Variants in FRMD5 observed in about 807,000 individuals in gnomAD.
FRMD5 encodes FERM domain containing 5, also known as FERM domain-containing protein 5.
Under a neutral mutation model 69.0 loss-of-function variants are expected in FRMD5, and 20 were observed. That is an observed-to-expected ratio of 0.29 (90% CI 0.20 to 0.42). The LOEUF (loss-of-function observed/expected upper bound fraction) is 0.42. Ranked by LOEUF, FRMD5 falls within the 10% of genes least tolerant of loss-of-function variation. The probability of loss-of-function intolerance (pLI) is 1.00; values close to 1 mark genes in which losing one functional copy is unlikely to be tolerated. For synonymous variants in FRMD5, 271 were observed against 260.1 expected (o/e 1.04, Z -0.40); for missense variants, 595 against 708.6 (o/e 0.84, Z 1.82).
chr15:44,185,734 A>C (rs1209469921), intron 1 of FRMD5, among the ~76,000 whole-genome samples: 2 of 151,986 alleles, frequency 1.3e-5, no homozygotes, highest in Non-Finnish European at 2.9e-5. Flanking sequence ...CAGAGGTTGC[A>C]ATGAGCCGAC....
intron 1 of FRMD5, among the ~76,000 whole-genome samples, chr15:43,944,390 C>T (rs1448989736): frequency 6.6e-6 from 1 of 152,186 alleles, no homozygotes; most frequent in African/African-American, 2.4e-5. Context: ...AGGGCAGAGC[C>T]CTTACAAATC....
intron 1 of FRMD5, among the ~76,000 whole-genome samples, chr15:43,934,577 C>G (rs76859529): frequency 0.044 from 6,695 of 152,206 alleles, 442 homozygotes; most frequent in African/African-American, 0.14. Flanking sequence ...AAACAGAATC[C>G]ATTCAATTTT....
chr15:43,891,869 G>T, intron 8 of FRMD5, 112 bp downstream of exon 8: 1 of 823,682 alleles, frequency 1.2e-6, no homozygotes, highest in Non-Finnish European at 2.1e-6. Context: ...GCAAGGCTTT[G>T]GAGAGGGCTC....
Position 44,195,021 on chromosome 15 carries a change from T to A in FRMD5, c.34A>T (p.Ser12Cys), listed in dbSNP as rs1313541515. The change falls in exon 1 of 14, where the codon AGC (serine) becomes TGC (cysteine). Residue 12 changes from serine (S) to cysteine (C), a missense_variant. By Grantham distance (112) the Ser-to-Cys change is moderately radical. This residue lies in a region of FRMD5 where 44 missense variants were observed against 33.6 expected (regional missense o/e 1.31). Transcript: ENST00000417257. ...LSRLMSGSSR[S>C]LEREYSCTVR... ...GTGCAGCTGTACTCGCGCTCCAGGC[T>A]CCTGCTGCTGCCGCTCATCAACCTG... 1.3e-6 allele frequency: 2 copies of A among 1,556,822 alleles called. No individual in the cohort carries two copies. Among genetic ancestry groups the A allele is most frequent in the Non-Finnish European group, 8.6e-7 (1 of 1,156,320 alleles).
chr15:43,961,086 AAT>A (rs1183423524), intron 1 of FRMD5, among the ~76,000 whole-genome samples: 1 of 152,214 alleles, frequency 6.6e-6, no homozygotes, highest in Non-Finnish European at 1.5e-5. Context: ...GACACAAAAA[AAT>A]CCTTCAAAAA....
At chr15:43,874,726 C>A (rs536447738) in intron 13 of FRMD5, among the ~76,000 whole-genome samples, 1 of 151,780 alleles carries the variant, frequency 6.6e-6, no homozygotes, top group Non-Finnish European at 1.5e-5. Context: ...GTGGTGAAAC[C>A]CCATCTCAAC....
chr15:44,084,899 T>A (rs1202529842), intron 1 of FRMD5, among the ~76,000 whole-genome samples: 2 of 152,118 alleles, frequency 1.3e-5, no homozygotes, highest in African/African-American at 4.8e-5. Flanking sequence ...CAATTATAAT[T>A]CTGCCAAAAG....
intron 4 of FRMD5, among the ~76,000 whole-genome samples, chr15:43,918,089 A>G (rs1022042342): frequency 2.6e-5 from 4 of 152,110 alleles, no homozygotes; most frequent in African/African-American, 9.7e-5. Context: ...TCTTAGAGAA[A>G]TTTTTGCTCC....
At chr15:44,018,195 G>A (rs1218124207) in intron 1 of FRMD5, among the ~76,000 whole-genome samples, 1 of 152,150 alleles carries the variant, frequency 6.6e-6, no homozygotes, top group African/African-American at 2.4e-5. Context: ...GGATTAGACT[G>A]TGACTTAATG....
Position 44,130,082 on chromosome 15 carries a change from C to T in FRMD5, c.102+64871G>A, listed in dbSNP as rs901111336. On this transcript the variant is annotated intron_variant, in intron 1 of 13. Coordinates refer to ENST00000417257, the MANE Select transcript of FRMD5 (RefSeq NM_032892.5). ...TGGTTTGCACCTTGCTTGGTGATTC[C>T]TGTGGTCAATGGCGCTCCCTCCAGG... Among the ~76,000 whole-genome samples the T allele has an allele frequency of 1.2e-4, 18 of 152,310 alleles. No individual in the cohort carries two copies. The Middle Eastern group carries it at 0.014, about 115-fold the overall frequency.
intron 1 of FRMD5, among the ~76,000 whole-genome samples, chr15:43,930,186 C>T (rs114787116): frequency 5.6e-4 from 85 of 152,320 alleles, no homozygotes; most frequent in African/African-American, 1.9e-3. Flanking sequence ...GGCCCAGGAG[C>T]TCACTTTTCC....
At chr15:43,952,828 G>C (rs944092664) in intron 1 of FRMD5, among the ~76,000 whole-genome samples, 2 of 152,242 alleles carry the variant, frequency 1.3e-5, no homozygotes, top group South Asian at 4.1e-4. Context: ...AATGGGAGAA[G>C]AGGCAGATGC....
At chr15:44,063,072 T>G (rs1300410335) in intron 1 of FRMD5, among the ~76,000 whole-genome samples, 1 of 152,222 alleles carries the variant, frequency 6.6e-6, no homozygotes, top group Non-Finnish European at 1.5e-5. Flanking sequence ...TTCAAAATTG[T>G]TTTGGCTATT....
intron 1 of FRMD5, among the ~76,000 whole-genome samples, chr15:44,134,238 C>T (rs1488004722): frequency 6.6e-6 from 1 of 151,832 alleles, no homozygotes; most frequent in East Asian, 1.9e-4. Context: ...GCCTCCTGAA[C>T]AGCTAGAACT....
At chr15:44,137,375 T>C (rs2077202726) in intron 1 of FRMD5, among the ~76,000 whole-genome samples, 1 of 152,188 alleles carries the variant, frequency 6.6e-6, no homozygotes, top group Admixed American at 6.5e-5. Flanking sequence ...GGCTGCAATT[T>C]GGGGATTAGA....
At chr15:44,159,101 A>G (rs2077573097) in intron 1 of FRMD5, among the ~76,000 whole-genome samples, 1 of 151,650 alleles carries the variant, frequency 6.6e-6, no homozygotes, top group South Asian at 2.1e-4. Context: ...AGGGCATTCT[A>G]TTCAGAGGAA....
intron 1 of FRMD5, among the ~76,000 whole-genome samples, chr15:43,988,694 T>C (rs1331858891): frequency 6.6e-6 from 1 of 152,280 alleles, no homozygotes; most frequent in African/African-American, 2.4e-5. Flanking sequence ...ATAATTTACA[T>C]GAAAGCAATG....
At chr15:43,891,899 C>T in intron 8 of FRMD5, 82 bp downstream of exon 8, 1 of 1,169,728 alleles carries the variant, frequency 8.5e-7, no homozygotes. Flanking sequence ...ACTGCCCAAT[C>T]ACAGACAAAG....
At chr15:43,943,099 G>T (rs1192025234) in intron 1 of FRMD5, among the ~76,000 whole-genome samples, 1 of 152,142 alleles carries the variant, frequency 6.6e-6, no homozygotes. Flanking sequence ...AAATTAGCTG[G>T]GTGTGGTGGC....
Sources: allele counts gnomAD v4.1 joint callset (sites outside exome capture counted in the v4.1 genomes callset), GRCh38; gene constraint gnomAD v4.1.1; regional missense constraint gnomAD v4.1.1; transcripts MANE v1.5; gene names NCBI Gene and HGNC (gene_info 2026-07-23, HGNC 2026-07-21).